The following SCN8A variants were observed in gnomAD, a reference collection of about 807,000 sequenced individuals.
SCN8A encodes sodium voltage-gated channel alpha subunit 8, also known as sodium channel protein type 8 subunit alpha.
Under a neutral mutation model 184.1 loss-of-function variants are expected in SCN8A, and 30 were observed. The ratio of observed to expected loss-of-function variants is 0.16; its 90% confidence interval spans 0.12 to 0.22. The LOEUF (loss-of-function observed/expected upper bound fraction) is 0.22, where lower values mean the gene tolerates loss of function less well. Ranked by LOEUF, SCN8A falls within the 10% of genes least tolerant of loss-of-function variation. The pLI is 1.00. For missense variants in SCN8A, 1,057 were observed against 2,498.9 expected (o/e 0.42, Z 12.30); for synonymous variants, 852 against 907.0 (o/e 0.94, Z 1.09).
chr12:51,797,487 A>T (rs1257914634), intron 26 of SCN8A, among the ~76,000 whole-genome samples: 5 of 152,186 alleles, frequency 3.3e-5, no homozygotes, highest in Admixed American at 3.3e-4. Context: ...ACTACCTTCT[A>T]CTACTCATTC....
chr12:51,729,300 A>G (rs943901035), intron 12 of SCN8A, among the ~76,000 whole-genome samples: 1 of 152,132 alleles, frequency 6.6e-6, no homozygotes, highest in African/African-American at 2.4e-5. Flanking sequence ...TCATTACCAT[A>G]AGACTCTCCT....
In SCN8A at chr12:51,769,911, T is replaced by C. The variant is rs1394459360; in HGVS notation, c.3416T>C (p.Ile1139Thr). The change falls in exon 18 of 27, where the codon ATC (isoleucine) becomes ACC (threonine). Residue 1139 changes from isoleucine to threonine, a missense_variant. By Grantham distance (89) the Ile-to-Thr change is moderately conservative (BLOSUM62 -1). Coordinates refer to ENST00000627620, the MANE Select transcript of SCN8A (RefSeq NM_001330260.2). Reference protein sequence around the residue: ...TSSSEGSTIDIKPEVEEVPVE... With the variant: ...TSSSEGSTIDTKPEVEEVPVE... ...TCCTCTGAAGGAAGCACCATTGATA[T>C]CAAACCAGAAGTAGAAGAGGTCCCT... The C allele has an allele frequency of 3.1e-6, 5 of 1,608,252 alleles. No individual in the cohort carries two copies. The highest frequency in any genetic ancestry group is 4.2e-6 in the Non-Finnish European group (5 of 1,177,466).
At chr12:51,626,247 C>A (rs1940075574) in intron 1 of SCN8A, among the ~76,000 whole-genome samples, 1 of 151,956 alleles carries the variant, frequency 6.6e-6, no homozygotes, top group African/African-American at 2.4e-5. Context: ...GAAATGTTGG[C>A]TTGATGTGTG....
intron 14 of SCN8A, among the ~76,000 whole-genome samples, chr12:51,753,999 CATACAGAAAGATGTTTTT>C (rs1415996198): frequency 6.6e-6 from 1 of 151,920 alleles, no homozygotes; most frequent in Non-Finnish European, 1.5e-5. Context: ...TGTCTGTAGA[CATACAGAAAGATGTTTTT>C]AAAGAAAGAT....
At chr12:51,764,561 G>C (rs1158761447) in intron 15 of SCN8A, among the ~76,000 whole-genome samples, 1 of 152,040 alleles carries the variant, frequency 6.6e-6, no homozygotes, top group Non-Finnish European at 1.5e-5. Flanking sequence ...CTTGAACCCA[G>C]GAGGCGGAGG....
intron 1 of SCN8A, among the ~76,000 whole-genome samples, chr12:51,658,761 C>A (rs1940871767): frequency 6.6e-6 from 1 of 152,132 alleles, no homozygotes; most frequent in African/African-American, 2.4e-5. Context: ...CTGAATTGTT[C>A]ACCTTAAAGT....
intron 19 of SCN8A, among the ~76,000 whole-genome samples, chr12:51,772,425 C>T (rs1157345792): frequency 6.6e-6 from 1 of 151,458 alleles, no homozygotes; most frequent in Non-Finnish European, 1.5e-5. Flanking sequence ...AAAATGAAGC[C>T]ACAGCTAAAA....
intron 2 of SCN8A, among the ~76,000 whole-genome samples, chr12:51,678,144 A>C (rs1248871640): frequency 6.6e-6 from 1 of 152,222 alleles, no homozygotes; most frequent in South Asian, 2.1e-4. Flanking sequence ...ATATACATAT[A>C]TCTCTCTCAA....
intron 2 of SCN8A, among the ~76,000 whole-genome samples, chr12:51,676,984 A>G (rs1260834121): frequency 6.6e-6 from 1 of 152,092 alleles, no homozygotes; most frequent in East Asian, 1.9e-4. Context: ...CTCTTCTATG[A>G]TATTCTCCAC....
At chr12:51,780,565 C>CTCTTTTTTTTTTTTT (rs1937873062) in intron 20 of SCN8A, 84 bp from the exon 21 acceptor site, 1 of 293,008 alleles carries the variant, frequency 3.4e-6, no homozygotes, top group African/African-American at 1.3e-4. Flanking sequence ...TGTTTTCTTT[C>CTCTTTTTTTTTTTTT]TTTTTTTTTT....
At chr12:51,728,076 T>C (rs1942182826) in intron 12 of SCN8A, among the ~76,000 whole-genome samples, 1 of 152,234 alleles carries the variant, frequency 6.6e-6, no homozygotes, top group Non-Finnish European at 1.5e-5. Flanking sequence ...TAGATTTTCC[T>C]GGTAGTACAG....
Position 51,635,657 on chromosome 12 carries a change from A to G in SCN8A, c.-54-27107A>G, listed in dbSNP as rs181673555. Among the ~76,000 whole-genome samples the G allele has an allele frequency of 7.9e-4, 121 of 152,320 alleles. 1 individual carries two copies. The East Asian group carries it at 0.019, about 24-fold the overall frequency. The stretch of plus-strand genomic sequence containing the variant: ...CTTAAGTGGAAAAGTGAAAAGCCAG[A>G]GCTTTAGATGCTGGTGCCTTACTAG... On this transcript the variant is annotated intron_variant, in intron 1 of 26. Coordinates refer to ENST00000627620, the MANE Select transcript of SCN8A (RefSeq NM_001330260.2).
chr12:51,805,725 TCAAAA>T (rs1938680479), intron 26 of SCN8A, among the ~76,000 whole-genome samples: 1 of 152,058 alleles, frequency 6.6e-6, no homozygotes, highest in African/African-American at 2.4e-5. Flanking sequence ...AGACCCCATC[TCAAAA>T]CAAAAAACAA....
chr12:51,747,218 G>C (rs1942527105), intron 13 of SCN8A, among the ~76,000 whole-genome samples: 1 of 151,820 alleles, frequency 6.6e-6, no homozygotes, highest in Non-Finnish European at 1.5e-5. Context: ...CAAAGAATGA[G>C]ACTATAACTA....
intron 11 of SCN8A, among the ~76,000 whole-genome samples, chr12:51,717,036 A>T (rs550820016): frequency 2.0e-4 from 30 of 152,288 alleles, no homozygotes; most frequent in Admixed American, 4.6e-4. Flanking sequence ...ATCCTGCCTC[A>T]TCCCTTCCTT....
rs559894845 is a variant in SCN8A at position 51,645,256 on chromosome 12, G to A, written c.-54-17508G>A. ...CCGCCCCATCCGGGAAGTGAGGGGC[G>A]CCTCTGCCCAGCCGCCCCTACTGGG... is the stretch of plus-strand genomic sequence containing the variant. On this transcript the variant is annotated intron_variant, in intron 1 of 26. Transcript: ENST00000627620. 5.4e-5 allele frequency among the ~76,000 whole-genome samples: 8 copies of A among 147,188 alleles called. No individual in the cohort carries two copies. In the South Asian group the frequency reaches 8.8e-4, roughly 16 times the overall value.
At chr12:51,749,411 C>T (rs375151252) in intron 13 of SCN8A, among the ~76,000 whole-genome samples, 5 of 152,126 alleles carry the variant, frequency 3.3e-5, no homozygotes, top group African/African-American at 7.2e-5. Flanking sequence ...TCAACCTCCA[C>T]GTGCCAATGA....
At chr12:51,741,266 A>G (rs1489704510) in intron 12 of SCN8A, among the ~76,000 whole-genome samples, 1 of 152,178 alleles carries the variant, frequency 6.6e-6, no homozygotes, top group African/African-American at 2.4e-5. Flanking sequence ...TTTCTAATGT[A>G]AGTATAGCTA....
At chr12:51,801,035 A>C (rs1282847044) in intron 26 of SCN8A, among the ~76,000 whole-genome samples, 2 of 152,186 alleles carry the variant, frequency 1.3e-5, no homozygotes, top group Non-Finnish European at 2.9e-5. Context: ...CCTTTTGTCC[A>C]CTTGACCTGG....
Sources: allele counts gnomAD v4.1 joint callset (sites outside exome capture counted in the v4.1 genomes callset), GRCh38; gene constraint gnomAD v4.1.1; transcripts MANE v1.5; gene names NCBI Gene and HGNC (gene_info 2026-07-23, HGNC 2026-07-21).